Variants in MMRN2 observed in about 807,000 individuals in gnomAD.
The protein encoded by MMRN2 is multimerin 2, also known as multimerin-2.
A neutral mutation model predicts 68.8 loss-of-function variants in MMRN2; 53 were observed. The observed-to-expected ratio is 0.77, with a 90% CI of 0.62 to 0.97. The LOEUF (loss-of-function observed/expected upper bound fraction) is 0.97, where lower values mean the gene tolerates loss of function less well. Among genes scored for constraint, MMRN2 ranks in the 50% least tolerant of loss-of-function variants. MMRN2 has a pLI of 0.00. For missense variants in MMRN2, 1,266 were observed against 1,259.5 expected (o/e 1.01, Z -0.08); for synonymous variants, 564 against 551.6 (o/e 1.02, Z -0.32).
chr10:86,952,707 C>T (rs183179761), intron 1 of MMRN2, among the ~76,000 whole-genome samples: 14 of 152,228 alleles, frequency 9.2e-5, no homozygotes, highest in East Asian at 3.9e-4. Flanking sequence ...TCAAAAACTC[C>T]GATAAGGGTC....
rs1843999971 is a variant in MMRN2, at chr10:86,943,027, C to A, written c.1757G>T (p.Arg586Leu). Reference sequence around the variant, plus strand: ...GCTGTGCAGCTGGCGCACCTCGTGGCGGGCCTCGGCCGCGGCCGCCTTCAG... The same window carrying A: ...GCTGTGCAGCTGGCGCACCTCGTGGAGGGCCTCGGCCGCGGCCGCCTTCAG... ...GALKAAAAEA[R>L]HEVRQLHSAF... is the part of the protein sequence containing the mutation. The change falls in exon 6 of 7, where the codon CGC becomes CTC. Residue 586 changes from arginine (R) to leucine (L), a missense_variant. Transcript: ENST00000372027. The surrounding 1 kb of genome is among the most constrained non-coding windows in gnomAD (Gnocchi z 4.2). 2.9e-6 allele frequency: 4 copies of A among 1,356,790 alleles called. No individual in the cohort carries two copies. The highest frequency in any genetic ancestry group is 3.8e-6 in the Non-Finnish European group (4 of 1,056,746). The allele number at this position is 1,356,790 out of a possible 1,614,324, so 84.0% of individuals were successfully genotyped here. A position where few individuals can be genotyped will look rare whatever the true frequency, so the allele number is the denominator to read the frequency against.
intron 1 of MMRN2, among the ~76,000 whole-genome samples, chr10:86,952,413 TC>T (rs1844157634): frequency 6.6e-6 from 1 of 152,178 alleles, no homozygotes; most frequent in Non-Finnish European, 1.5e-5. Context: ...GGGAACCCAC[TC>T]CCAATATTTC....
chr10:86,945,139 C>A (rs1387994528), intron 4 of MMRN2, 49 bp downstream of exon 4: 2 of 1,543,676 alleles, frequency 1.3e-6, no homozygotes, highest in East Asian at 2.2e-5. Flanking sequence ...CAGCTGGCTA[C>A]ATGGGCCCCA....
At position 86,943,298 on chromosome 10, in the gene MMRN2, T is replaced by G; in HGVS notation, c.1486A>C (p.Lys496Gln). ...ATGACGTCCAGGTCTAAATAGAGCTTCTGGCAATTGCAGTCCTTCACGTAC... is the reference window on the plus strand; with the variant it reads ...ATGACGTCCAGGTCTAAATAGAGCTGCTGGCAATTGCAGTCCTTCACGTAC... ...IKYVKDCNCQ[K>Q]LYLDLDVIRE... Residue 496 changes from lysine (K) to glutamine (Q), a missense_variant, in exon 6 of 7, where the codon AAG (lysine) becomes CAG (glutamine). By Grantham distance (53) the Lys-to-Gln change is moderately conservative. Coordinates refer to ENST00000372027, the MANE Select transcript of MMRN2 (RefSeq NM_024756.3). This position sits in a 1 kb window ranked among gnomAD's most constrained non-coding sequence, Gnocchi z 4.2. 6.2e-7 allele frequency: 1 copy of G among 1,613,754 alleles called. No individual in the cohort carries two copies. The highest frequency in any genetic ancestry group is 8.5e-7 in the Non-Finnish European group (1 of 1,180,012).
chr10:86,952,892 G>A (rs1844164091), intron 1 of MMRN2, among the ~76,000 whole-genome samples: 1 of 152,144 alleles, frequency 6.6e-6, no homozygotes, highest in African/African-American at 2.4e-5. Context: ...CAACCGCATA[G>A]GACAGACACT....
chr10:86,939,545 C>T (rs1008699800), intron 6 of MMRN2, among the ~76,000 whole-genome samples: 15 of 151,596 alleles, frequency 9.9e-5, no homozygotes, highest in Admixed American at 2.0e-4. Flanking sequence ...CCCCTAACAC[C>T]CTGCAGGTGG....
Position 86,943,469 on chromosome 10 carries a change from T to TCACCTGCAGCTCCTC in MMRN2, c.1300_1314dup (p.Glu434_Val438dup), listed in dbSNP as rs1426361189. 1.2e-6 allele frequency: 2 copies of TCACCTGCAGCTCCTC among 1,614,046 alleles called. No individual in the cohort carries two copies. The highest frequency in any genetic ancestry group is 1.7e-6 in the Non-Finnish European group (2 of 1,180,038). On this transcript the variant is annotated inframe_insertion, in exon 6 of 7. Coordinates refer to ENST00000372027, the MANE Select transcript of MMRN2 (RefSeq NM_024756.3). The surrounding 1 kb of genome is among the most constrained non-coding windows in gnomAD (Gnocchi z 4.2). ...CGCAGCTCACGGAGCGCCGTGTGGTTCACCTGCAGCTCCTCCACCTGCCGC... is the reference window on the plus strand; with the variant it reads ...CGCAGCTCACGGAGCGCCGTGTGGTTCACCTGCAGCTCCTCCACCTGCAGCTCCTCCACCTGCCGC...
chr10:86,943,961 TG>T lies in MMRN2; in HGVS notation c.822del (p.Arg275GlufsTer63), dbSNP rs772642107. The stretch of plus-strand genomic sequence containing the variant: ...CTGGCCACGGCACTGTCCTGGACTC[TG>T]GAGATGGCCTGGCGGTTGGCCTCCA... ...LDVEANRQAISRVQDSAVARA... is the reference protein window; with the variant it reads ...LDVEANRQAIXRVQDSAVARA... On this transcript the variant is annotated frameshift_variant, in exon 6 of 7. Coordinates refer to ENST00000372027, the MANE Select transcript of MMRN2 (RefSeq NM_024756.3). LOFTEE classifies it high-confidence loss of function. This position sits in a 1 kb window ranked among gnomAD's most constrained non-coding sequence, Gnocchi z 4.2. The T allele has an allele frequency of 1.2e-6, 2 of 1,614,212 alleles. No homozygotes were observed. The highest frequency in any genetic ancestry group is 1.7e-6 in the Non-Finnish European group (2 of 1,180,042).
At chr10:86,939,879 C>T (rs1156688318) in intron 6 of MMRN2, among the ~76,000 whole-genome samples, 2 of 150,430 alleles carry the variant, frequency 1.3e-5, no homozygotes, top group Non-Finnish European at 3.0e-5. Flanking sequence ...GAGACAGAGT[C>T]CTACTCTGCC....
rs1843998250 is a variant in MMRN2 at position 86,942,945 on chromosome 10, G to A, written c.1839C>T (p.Leu613=). Residue 613 remains leucine, a synonymous_variant, in exon 6 of 7, where the codon CTC becomes CTT. Coordinates refer to ENST00000372027, the MANE Select transcript of MMRN2 (RefSeq NM_024756.3). ...ALRHEAVLAA[L]FGEEVLEEMS... The stretch of plus-strand genomic sequence containing the variant: ...TCTCCTCCAGCACCTCCTCCCCGAA[G>A]AGCGCGGCCAGCACCGCCTCGTGCC... 6 of 1,501,444 alleles carry A rather than the reference G, an allele frequency of 4.0e-6. No individual in the cohort carries two copies. In the South Asian group the frequency reaches 7.4e-5, roughly 19 times the overall value. 93.0% of individuals were successfully genotyped at this position (1,501,444 alleles called of 1,614,324 possible).
chr10:86,945,039 G>T, intron 4 of MMRN2, 149 bp downstream of exon 4: 1 of 665,338 alleles, frequency 1.5e-6, no homozygotes, highest in South Asian at 1.9e-5. Flanking sequence ...CCTTCAAGGT[G>T]GGAGGTGGTA....
At chr10:86,946,485 C>T (rs1844070201) in intron 1 of MMRN2, among the ~76,000 whole-genome samples, 1 of 152,230 alleles carries the variant, frequency 6.6e-6, no homozygotes, top group Admixed American at 6.5e-5. Context: ...GCATCAAGGT[C>T]ATGCAAGGTG....
rs770944123 is a variant in MMRN2, at chr10:86,943,056, G to T, written c.1728C>A (p.Gly576=). The part of the protein sequence containing the change: ...SQVQALDDEV[G]ALKAAAAEAR... ...CCTCGGCCGCGGCCGCCTTCAGCGCGCCCACCTCGTCATCCAGCGCCTGCA... is the reference window on the plus strand; with the variant it reads ...CCTCGGCCGCGGCCGCCTTCAGCGCTCCCACCTCGTCATCCAGCGCCTGCA... The change falls in exon 6 of 7, where the codon GGC becomes GGA. Residue 576 remains glycine, a synonymous_variant. Transcript: ENST00000372027. This position sits in a 1 kb window ranked among gnomAD's most constrained non-coding sequence, Gnocchi z 4.2. 4 of 1,388,248 alleles carry T rather than the reference G, an allele frequency of 2.9e-6. No homozygotes were observed. Among genetic ancestry groups the T allele is most frequent in the Non-Finnish European group, 3.7e-6 (4 of 1,077,714 alleles). The allele number at this position is 1,388,248 out of a possible 1,614,324, so 86.0% of individuals were successfully genotyped here.
At chr10:86,939,160 CAAAAAAAAA>C (rs71019439) in intron 6 of MMRN2, among the ~76,000 whole-genome samples, 3 of 96,512 alleles carry the variant, frequency 3.1e-5, no homozygotes, top group Non-Finnish European at 5.9e-5. Flanking sequence ...GAAACTCCGT[CAAAAAAAAA>C]AAAAAAAAAA....
At position 86,945,482 on chromosome 10, in the gene MMRN2, AGAG is replaced by A. The variant is rs1207729593; in HGVS notation, c.294-9_294-7del. ...GCTTGTGGGCCATGCGGTACCTGGA[AGAG>A]GAGAAGGGCTGGCTCAGTGATTCCA... On this transcript the variant is annotated splice_polypyrimidine_tract_variant and splice_region_variant and intron_variant, in intron 2 of 6. Coordinates refer to ENST00000372027, the MANE Select transcript of MMRN2 (RefSeq NM_024756.3). 1.3e-6 allele frequency: 2 copies of A among 1,556,856 alleles called. No individual in the cohort carries two copies. The highest frequency in any genetic ancestry group is 1.7e-6 in the Non-Finnish European group (2 of 1,149,800).
chr10:86,937,190 C>T, intron 6 of MMRN2, 65 bp from the exon 7 acceptor site: 1 of 1,555,006 alleles, frequency 6.4e-7, no homozygotes, highest in Non-Finnish European at 8.8e-7. Flanking sequence ...AAATTAAACC[C>T]TGAGACCTAC....
At chr10:86,952,968 T>C (rs1844164921) in intron 1 of MMRN2, among the ~76,000 whole-genome samples, 1 of 152,178 alleles carries the variant, frequency 6.6e-6, no homozygotes, top group Non-Finnish European at 1.5e-5. Flanking sequence ...CTTAATATTA[T>C]ATTCCTTGCT....
chr10:86,936,832 G>T lies in MMRN2; in HGVS notation c.2761C>A (p.Arg921=), dbSNP rs772012647. The change falls in exon 7 of 7, where the codon CGA becomes AGA. Residue 921 remains arginine, a synonymous_variant. Coordinates refer to ENST00000372027, the MANE Select transcript of MMRN2 (RefSeq NM_024756.3). ...FAMAELQKGE[R]VWFELTQGSI... is the part of the protein sequence containing the mutation. ...CCCTGGGTTAACTCAAACCATACTCGCTCACCCTTCTGCAGCTCAGCCATG... is the reference window on the plus strand; with the variant it reads ...CCCTGGGTTAACTCAAACCATACTCTCTCACCCTTCTGCAGCTCAGCCATG... 1 of 1,614,144 alleles carries T rather than the reference G, an allele frequency of 6.2e-7. No individual in the cohort carries two copies.
At chr10:86,956,840 A>T (rs1187408218) in intron 1 of MMRN2, among the ~76,000 whole-genome samples, 1 of 152,238 alleles carries the variant, frequency 6.6e-6, no homozygotes, top group Admixed American at 6.5e-5. Context: ...AATGTTGGAA[A>T]GCTATGTTCT....
Sources: gnomAD v4.1 joint callset for allele counts (sites outside exome capture counted in the v4.1 genomes callset) on GRCh38, gnomAD v4.1.1 for gene constraint, Gnocchi (gnomAD v3.1) non-coding constraint, MANE v1.5 for transcripts, NCBI Gene and HGNC (gene_info 2026-07-23, HGNC 2026-07-21) for gene names.